CYP2C19: variants seen among roughly 807,000 people sequenced by gnomAD.
CYP2C19 encodes the protein cytochrome P450 family 2 subfamily C member 19, also known as cytochrome P450 2C19.
A neutral mutation model predicts 40.9 loss-of-function variants in CYP2C19; 59 were observed. The ratio of observed to expected loss-of-function variants is 1.44; its 90% CI spans 1.17 to 1.79. CYP2C19 has a LOEUF of 1.79. Among genes scored for constraint, CYP2C19 ranks in the 40% most tolerant of loss-of-function variants. The pLI is 0.00. For synonymous variants in CYP2C19, 253 were observed against 208.7 expected (o/e 1.21, Z -1.83); for missense variants, 754 against 596.9 (o/e 1.26, Z -2.74).
At chr10:94,833,448 T>C (rs1849359569) in intron 6 of CYP2C19, among the ~76,000 whole-genome samples, 1 of 152,072 alleles carries the variant, frequency 6.6e-6, no homozygotes, top group African/African-American at 2.4e-5. Context: ...CAAGTGTTTT[T>C]TTTTCTTTTT....
intron 5 of CYP2C19, among the ~76,000 whole-genome samples, chr10:94,797,026 G>A (rs1054576289): frequency 2.0e-5 from 3 of 151,948 alleles, no homozygotes; most frequent in Admixed American, 2.0e-4. Flanking sequence ...TTCCAACACT[G>A]CGTTGAATAG....
chr10:94,820,719 T>C lies in CYP2C19; in HGVS notation c.961+82T>C, dbSNP rs185062586. On this transcript the variant is annotated intron_variant, in intron 6 of 8. Transcript: ENST00000371321. ...GCTAGTGTTCTCCTTTCTGTTTCTC[T>C]TAGAGAAGTTCCATTATTTAAATTT... is the stretch of plus-strand genomic sequence containing the variant. The C allele has an allele frequency of 4.5e-6, 7 of 1,543,836 alleles. No individual in the cohort carries two copies. The Admixed American group carries it at 1.0e-4, about 23-fold the overall frequency.
chr10:94,795,940 C>A (rs1848679495), intron 5 of CYP2C19, among the ~76,000 whole-genome samples: 1 of 152,040 alleles, frequency 6.6e-6, no homozygotes, highest in Admixed American at 6.6e-5. Context: ...TTCTCCCATT[C>A]TGTAGGTTGC....
intron 6 of CYP2C19, among the ~76,000 whole-genome samples, chr10:94,842,400 T>G (rs1337945143): frequency 6.6e-6 from 1 of 150,936 alleles, no homozygotes; most frequent in East Asian, 1.9e-4. Flanking sequence ...GAAGTTTTTT[T>G]TTTTTTTTTT....
intron 5 of CYP2C19, among the ~76,000 whole-genome samples, chr10:94,794,022 C>T (rs1848647458): frequency 5.9e-5 from 9 of 152,122 alleles, no homozygotes; most frequent in Admixed American, 5.2e-4. Flanking sequence ...TTCGAGCTTC[C>T]TGGCTGCTTT....
At chr10:94,834,540 G>A (rs112030001) in intron 6 of CYP2C19, among the ~76,000 whole-genome samples, 4,808 of 148,906 alleles carry the variant, frequency 0.032, 122 homozygotes, top group Middle Eastern at 0.14. Flanking sequence ...ACTAATTTTG[G>A]TTTTCTTTCT....
chr10:94,805,903 G>A (rs1046655603), intron 5 of CYP2C19, among the ~76,000 whole-genome samples: 2 of 152,142 alleles, frequency 1.3e-5, no homozygotes, highest in Non-Finnish European at 2.9e-5. Context: ...CGGACTAGCT[G>A]CAATTAAAAT....
chr10:94,833,140 A>C (rs1849356673), intron 6 of CYP2C19, among the ~76,000 whole-genome samples: 1 of 152,194 alleles, frequency 6.6e-6, no homozygotes, highest in Admixed American at 6.5e-5. Context: ...TTTGTTCATC[A>C]GTTCTAATAA....
At chr10:94,796,999 A>T (rs1848698377) in intron 5 of CYP2C19, among the ~76,000 whole-genome samples, 1 of 152,026 alleles carries the variant, frequency 6.6e-6, no homozygotes, top group African/African-American at 2.4e-5. Flanking sequence ...CTCCTACCTG[A>T]TTGCCCCGGC....
intron 5 of CYP2C19, among the ~76,000 whole-genome samples, chr10:94,809,461 T>A (rs938242641): frequency 6.6e-6 from 1 of 152,278 alleles, no homozygotes; most frequent in Non-Finnish European, 1.5e-5. Flanking sequence ...TTGTCCATTT[T>A]TACTTTGGTT....
chr10:94,809,447 C>A (rs114899868), intron 5 of CYP2C19, among the ~76,000 whole-genome samples: 2,080 of 152,022 alleles, frequency 0.014, 52 homozygotes, highest in African/African-American at 0.046. Flanking sequence ...TGATATAATC[C>A]CATTTGTCCA....
chr10:94,763,007 C>A (rs745482465), intron 1 of CYP2C19, 134 bp downstream of exon 1: 220 of 887,206 alleles, frequency 2.5e-4, no homozygotes, highest in Non-Finnish European at 3.6e-4. Flanking sequence ...CTTTTGTTGC[C>A]TTTTCCAGTC....
intron 6 of CYP2C19, among the ~76,000 whole-genome samples, chr10:94,833,183 A>G (rs1167550349): frequency 2.6e-5 from 4 of 152,168 alleles, no homozygotes; most frequent in South Asian, 2.1e-4. Flanking sequence ...TTTTCCTAGT[A>G]TAAGGTTATA....
chr10:94,785,429 G>A (rs1848528837), intron 5 of CYP2C19, among the ~76,000 whole-genome samples: 1 of 151,858 alleles, frequency 6.6e-6, no homozygotes. Context: ...TTCTTTCCTC[G>A]GACTGAATGG....
At chr10:94,797,335 A>T (rs1848704018) in intron 5 of CYP2C19, among the ~76,000 whole-genome samples, 1 of 152,070 alleles carries the variant, frequency 6.6e-6, no homozygotes, top group Non-Finnish European at 1.5e-5. Context: ...CATCCCAGGG[A>T]TGAAGCCAAC....
chr10:94,834,804 C>G (rs1849377495), intron 6 of CYP2C19, among the ~76,000 whole-genome samples: 1 of 152,160 alleles, frequency 6.6e-6, no homozygotes, highest in South Asian at 2.1e-4. Context: ...AAGTTGCAAG[C>G]CCCGTGTTTA....
In CYP2C19 at chr10:94,791,285, T is replaced by A. The variant is rs142305677; in HGVS notation, c.819+9288T>A. ...TCTCCTTTATTATTTTTGCTAGCAG[T>A]CTATCAATTTTGTTGATCTTTTCAA... On this transcript the variant is annotated intron_variant, in intron 5 of 8. Transcript: ENST00000371321. 4.7e-3 allele frequency among the ~76,000 whole-genome samples: 711 copies of A among 152,282 alleles called. 3 individuals are homozygous for A. Among genetic ancestry groups the A allele is most frequent in the African/African-American group, 0.017 (688 of 41,564 alleles).
At chr10:94,801,815 G>T (rs1348463518) in intron 5 of CYP2C19, among the ~76,000 whole-genome samples, 1 of 152,148 alleles carries the variant, frequency 6.6e-6, no homozygotes, top group Non-Finnish European at 1.5e-5. Context: ...AGCTCTTCTT[G>T]TTACATTGTG....
intron 5 of CYP2C19, among the ~76,000 whole-genome samples, chr10:94,805,994 T>A (rs1465896113): frequency 1.3e-5 from 2 of 152,170 alleles, no homozygotes; most frequent in Non-Finnish European, 2.9e-5. Flanking sequence ...TCCAGAGACG[T>A]GGATGATGTG....
Sources: allele counts gnomAD v4.1 joint callset (sites outside exome capture counted in the v4.1 genomes callset), GRCh38; gene constraint gnomAD v4.1.1; transcripts MANE v1.5; gene names NCBI Gene and HGNC (gene_info 2026-07-23, HGNC 2026-07-21).